The following MAX variants were observed in gnomAD, a reference collection of about 807,000 sequenced individuals.
The protein encoded by MAX is protein max.
MAX carries 3 observed loss-of-function variants against 22.3 expected under a neutral mutation model. The observed-to-expected ratio is 0.13, with a 90% confidence interval of 0.06 to 0.35. MAX has a LOEUF of 0.35. Ranked by LOEUF, MAX falls within the 10% of genes least tolerant of loss-of-function variation. The probability of loss-of-function intolerance (pLI) is 1.00; values close to 1 mark genes in which losing one functional copy is unlikely to be tolerated. For synonymous variants in MAX, 72 were observed against 77.7 expected, an observed-to-expected ratio of 0.93 and a Z score of 0.39; for missense variants, 119 against 209.4, an observed-to-expected ratio of 0.57 and a Z score of 2.66.
Position 65,012,533 on chromosome 14 carries a change from C to A in MAX, c.172-6249G>T. ...TGTGGCTCTGGCAGGAGGTAGGGTG[C>A]TGTCACAGAGCTGGGACTCAGCCCT... On this transcript the variant is annotated intron_variant, in intron 3 of 3. Coordinates refer to the MAX transcript ENST00000341653. The surrounding 1 kb of genome is among the most constrained non-coding windows in gnomAD (Gnocchi z 5.0). 4 of 1,150,002 alleles carry A rather than the reference C, an allele frequency of 3.5e-6. No individual in the cohort carries two copies. Among genetic ancestry groups the A allele is most frequent in the Non-Finnish European group, 4.9e-6 (4 of 814,354 alleles). 71.2% of individuals were successfully genotyped at this position (1,150,002 alleles called of 1,614,324 possible). A position where few individuals can be genotyped will look rare whatever the true frequency, so the allele number is the denominator to read the frequency against.
Position 65,007,887 on chromosome 14 carries a change from T to C in MAX, c.172-1603A>G, listed in dbSNP as rs141337298. Among the ~76,000 whole-genome samples, 357 of 152,286 alleles carry C rather than the reference T, an allele frequency of 2.3e-3. 2 individuals are homozygous for C. The highest frequency in any genetic ancestry group is 8.2e-3 in the African/African-American group (341 of 41,570). On this transcript the variant is annotated intron_variant, in intron 3 of 3. Coordinates refer to the MAX transcript ENST00000341653. The surrounding 1 kb of genome is among the most constrained non-coding windows in gnomAD (Gnocchi z 4.9). ...GGGTGCTCCTCAGAAGTGAGAAATA[T>C]TGATAATGTCCCTGTGCTAATAGAG...
rs1040085680 is a variant in MAX, at chr14:65,102,495, C to G, written c.-156G>C. On this transcript the variant is annotated 5_prime_UTR_variant, in exon 1 of 5. Transcript: ENST00000358664. ...CTCTCACTCACACACACACACAACACGGGCAAGAACCACCTCCTCACTGCA... is the reference window on the plus strand; with the variant it reads ...CTCTCACTCACACACACACACAACAGGGGCAAGAACCACCTCCTCACTGCA... The G allele has an allele frequency of 6.7e-7, 1 of 1,489,582 alleles. No homozygotes were observed. The highest frequency in any genetic ancestry group is 1.3e-5 in the South Asian group (1 of 75,528). 92.3% of individuals were successfully genotyped at this position (1,489,582 alleles called of 1,614,324 possible).
rs2063214649 is a variant in MAX at position 65,082,169 on chromosome 14, C to T, written c.172-4133G>A. ...AGGAAGTTGAGTCAGGATTTGAATC[C>T]AAGCCTCCAGGACACTCATACTTTG... On this transcript the variant is annotated intron_variant, in intron 3 of 4. Coordinates refer to ENST00000358664, the MANE Select transcript of MAX (RefSeq NM_002382.5). The surrounding 1 kb of genome is among the most constrained non-coding windows in gnomAD (Gnocchi z 4.8). 1 of 151,994 alleles carries T rather than the reference C, an allele frequency of 6.6e-6. No homozygotes were observed. The allele number at this position is 151,994 out of a possible 1,614,324, so 9.4% of individuals were successfully genotyped here.
downstream of MAX, among the ~76,000 whole-genome samples, chr14:65,070,773 C>T (rs78040203): frequency 0.051 from 7,838 of 152,284 alleles, 462 homozygotes; most frequent in African/African-American, 0.15. The surrounding 1 kb of genome is among the most constrained non-coding windows in gnomAD (Gnocchi z 4.4). Context: ...GATGGCTGAC[C>T]ACTGTCATAA....
At chr14:65,041,475 C>T (rs1458823679) in intron 3 of MAX, among the ~76,000 whole-genome samples, 3 of 152,174 alleles carry the variant, frequency 2.0e-5, no homozygotes, top group Non-Finnish European at 4.4e-5. Flanking sequence ...GTTAAATGAT[C>T]AGTGGGTGCA....
chr14:65,017,411 G>T (rs1229760864), intron 3 of MAX, among the ~76,000 whole-genome samples: 1 of 152,152 alleles, frequency 6.6e-6, no homozygotes, highest in Non-Finnish European at 1.5e-5. Flanking sequence ...GATGGAGGAG[G>T]CCGCAGACCC....
intron 3 of MAX, among the ~76,000 whole-genome samples, chr14:65,017,273 T>C (rs1280290121): frequency 6.6e-6 from 1 of 151,976 alleles, no homozygotes; most frequent in Non-Finnish European, 1.5e-5. Context: ...GTTTGGGAAG[T>C]TTTCCCTTCA....
rs2062090333 is a variant in MAX at position 65,031,811 on chromosome 14, C to G, written c.172-25527G>C. Among the ~76,000 whole-genome samples, 1 of 152,068 alleles carries G rather than the reference C, an allele frequency of 6.6e-6. No homozygotes were observed. Among genetic ancestry groups the G allele is most frequent in the Admixed American group, 6.5e-5 (1 of 15,280 alleles). On this transcript the variant is annotated intron_variant, in intron 3 of 3. Coordinates refer to the MAX transcript ENST00000341653. This position sits in a 1 kb window ranked among gnomAD's most constrained non-coding sequence, Gnocchi z 4.6. The stretch of plus-strand genomic sequence containing the variant: ...TGGCATGCGCCTGTAATCCCAGCTA[C>G]TTGGGAGGCTGATACAGGAGAATTG...
chr14:65,035,539 T>C (rs1341203775), intron 3 of MAX, among the ~76,000 whole-genome samples: 2 of 152,122 alleles, frequency 1.3e-5, no homozygotes, highest in Non-Finnish European at 2.9e-5. Context: ...ATTCTCTCTT[T>C]CTTTTTTTGA....
intron 2 of MAX, among the ~76,000 whole-genome samples, chr14:65,098,988 G>A (rs2063749709): frequency 6.6e-6 from 1 of 152,086 alleles, no homozygotes. Context: ...AACATCTTCT[G>A]TAGTCCTGAA....
intron 2 of MAX, among the ~76,000 whole-genome samples, chr14:65,097,645 C>T (rs995325144): frequency 6.6e-6 from 1 of 152,156 alleles, no homozygotes; most frequent in Non-Finnish European, 1.5e-5. Flanking sequence ...GCTTATGATT[C>T]TTATCAAGCT....
At chr14:65,083,670 T>C (rs1000914056) in intron 3 of MAX, 2 of 972,944 alleles carry the variant, frequency 2.1e-6, no homozygotes, top group Admixed American at 1.0e-4. Context: ...AGTGGGCTGA[T>C]GTTACAGCTG....
In MAX at chr14:65,027,655, C is replaced by T. The variant is rs753941125; in HGVS notation, c.172-21371G>A. ...TAGAGGAGTTCCCCGCCTGCTGACA[C>T]GCACTGACTGTTGCCTCTCCTACCT... On this transcript the variant is annotated intron_variant, in intron 3 of 3. Coordinates refer to the MAX transcript ENST00000341653. The surrounding 1 kb of genome is among the most constrained non-coding windows in gnomAD (Gnocchi z 5.7). The T allele has an allele frequency of 8.1e-6, 13 of 1,614,016 alleles. No individual in the cohort carries two copies. The highest frequency in any genetic ancestry group is 1.1e-5 in the Non-Finnish European group (13 of 1,179,982).
At chr14:65,036,077 C>T (rs1296326506) in intron 3 of MAX, among the ~76,000 whole-genome samples, 1 of 152,064 alleles carries the variant, frequency 6.6e-6, no homozygotes, top group African/African-American at 2.4e-5. Flanking sequence ...AAGCAATCTT[C>T]CTGCCTCAGC....
chr14:65,010,461 A>G (rs2061665709), intron 3 of MAX, among the ~76,000 whole-genome samples: 1 of 152,140 alleles, frequency 6.6e-6, no homozygotes, highest in East Asian at 1.9e-4. Flanking sequence ...CCTAAGACCC[A>G]CACATCCAAA....
chr14:65,012,171 C>T lies in MAX; in HGVS notation c.172-5887G>A. The T allele has an allele frequency of 1.1e-6, 1 of 899,266 alleles. No homozygotes were observed. Among genetic ancestry groups the T allele is most frequent in the South Asian group, 1.6e-5 (1 of 62,132 alleles). The allele number at this position is 899,266 out of a possible 1,614,324, so 55.7% of individuals were successfully genotyped here. ...CTCTGGTTTAGTTGCTCTTTGGAACCAGAGAAGTTGCTGGTTATCCAGTCA... is the reference window on the plus strand; with the variant it reads ...CTCTGGTTTAGTTGCTCTTTGGAACTAGAGAAGTTGCTGGTTATCCAGTCA... On this transcript the variant is annotated intron_variant, in intron 3 of 3. Transcript: ENST00000341653. This position sits in a 1 kb window ranked among gnomAD's most constrained non-coding sequence, Gnocchi z 5.0.
chr14:65,084,731 C>A lies in MAX; in HGVS notation c.172-6695G>T, dbSNP rs1037050180. ...AACATGAGCACACTGTATGACCTAG[C>A]GAAAAAATATATTATGTAAAAGCAG... On this transcript the variant is annotated intron_variant, in intron 3 of 4. Coordinates refer to ENST00000358664, the MANE Select transcript of MAX (RefSeq NM_002382.5). This position sits in a 1 kb window ranked among gnomAD's most constrained non-coding sequence, Gnocchi z 4.3. 1.3e-5 allele frequency among the ~76,000 whole-genome samples: 2 copies of A among 152,016 alleles called. No individual in the cohort carries two copies. The highest frequency in any genetic ancestry group is 4.2e-4 in the South Asian group (2 of 4,814).
At chr14:65,063,550 G>A (rs2062899680) in intron 3 of MAX, among the ~76,000 whole-genome samples, 1 of 152,148 alleles carries the variant, frequency 6.6e-6, no homozygotes, top group Non-Finnish European at 1.5e-5. Flanking sequence ...CCCTCAAGGT[G>A]AGTCCTAGAG....
intron 3 of MAX, among the ~76,000 whole-genome samples, chr14:65,006,989 A>T (rs1486539244): frequency 6.6e-6 from 1 of 152,178 alleles, no homozygotes; most frequent in African/African-American, 2.4e-5. Context: ...GTGGAAATAG[A>T]ATATATCAGG....
Sources: allele counts gnomAD v4.1 joint callset (sites outside exome capture counted in the v4.1 genomes callset), GRCh38; gene constraint gnomAD v4.1.1; non-coding constraint Gnocchi (gnomAD v3.1); transcripts MANE v1.5; gene names NCBI Gene and HGNC (gene_info 2026-07-23, HGNC 2026-07-21).